Variants in KANK1 observed in about 807,000 individuals in gnomAD.
The protein encoded by KANK1 is KN motif and ankyrin repeat domain-containing protein 1.
A neutral mutation model predicts 106.2 loss-of-function variants in KANK1; 109 were observed. The observed-to-expected ratio is 1.03, with a 90% confidence interval of 0.88 to 1.20. KANK1 has a LOEUF of 1.20. KANK1 is among the 50% of genes most tolerant of loss of function. The pLI, the probability that KANK1 is intolerant of heterozygous loss-of-function variation, is 0.00. For synonymous variants in KANK1, 873 were observed against 652.2 expected, an observed-to-expected ratio of 1.34 and a Z score of -5.16; for missense variants, 2,399 against 1,710.7, an observed-to-expected ratio of 1.40 and a Z score of -7.10.
intron 6 of KANK1, 170 bp downstream of exon 6, chr9:732,787 T>A: frequency 3.1e-6 from 2 of 644,902 alleles, no homozygotes; most frequent in Non-Finnish European, 2.6e-6. Context: ...TTACAACTCT[T>A]AGATCTCTTA....
At chr9:535,212 C>T (rs2060242172) in intron 1 of KANK1, among the ~76,000 whole-genome samples, 2 of 152,162 alleles carry the variant, frequency 1.3e-5, no homozygotes, top group Admixed American at 6.6e-5. Context: ...GACCTCAGTA[C>T]CTATGTCCCT....
intron 2 of KANK1, among the ~76,000 whole-genome samples, chr9:699,690 T>C (rs1368614449): frequency 6.6e-6 from 1 of 152,222 alleles, no homozygotes; most frequent in Non-Finnish European, 1.5e-5. Flanking sequence ...TGACCTGATA[T>C]TTCTTAGGAA....
intron 1 of KANK1, chr9:559,046 A>T (rs1183511595): frequency 6.6e-6 from 1 of 152,224 alleles, no homozygotes; most frequent in Non-Finnish European, 1.5e-5. Context: ...TCCGTGAATA[A>T]TAAGGATGTA....
intron 1 of KANK1, among the ~76,000 whole-genome samples, chr9:519,237 A>T (rs548098698): frequency 7.9e-5 from 12 of 151,726 alleles, no homozygotes; most frequent in African/African-American, 2.9e-4. Context: ...TTTCCCCCAA[A>T]GCCCGCTCTC....
At chr9:581,144 C>T (rs925329935) in intron 1 of KANK1, among the ~76,000 whole-genome samples, 2 of 152,160 alleles carry the variant, frequency 1.3e-5, no homozygotes, top group Admixed American at 6.5e-5. Flanking sequence ...CCAGTTCCCA[C>T]CCACGGCTTT....
chr9:688,922 T>G (rs1819205446), intron 2 of KANK1, among the ~76,000 whole-genome samples: 1 of 152,172 alleles, frequency 6.6e-6, no homozygotes, highest in Non-Finnish European at 1.5e-5. Flanking sequence ...CTGGCCTGCT[T>G]TCCTTCTTTC....
At chr9:556,547 C>T (rs1259331898) in intron 1 of KANK1, among the ~76,000 whole-genome samples, 1 of 152,182 alleles carries the variant, frequency 6.6e-6, no homozygotes, top group Admixed American at 6.5e-5. Flanking sequence ...GATACAATGA[C>T]TATGCGGTTT....
At chr9:622,901 C>T (rs573933360) in intron 1 of KANK1, among the ~76,000 whole-genome samples, 1 of 149,170 alleles carries the variant, frequency 6.7e-6, no homozygotes, top group South Asian at 2.1e-4. Flanking sequence ...GACTCCATCT[C>T]AAAAAAAAAG....
intron 1 of KANK1, among the ~76,000 whole-genome samples, chr9:562,643 G>T (rs960763045): frequency 2.6e-5 from 4 of 152,190 alleles, no homozygotes; most frequent in African/African-American, 9.7e-5. Flanking sequence ...AAGTCAGAGA[G>T]TTACAGTGAG....
chr9:512,623 ATAT>A (rs951477314), intron 1 of KANK1, among the ~76,000 whole-genome samples: 4 of 152,160 alleles, frequency 2.6e-5, no homozygotes, highest in African/African-American at 9.7e-5. Context: ...CTTTTATGAC[ATAT>A]TATCAGAAGT....
At chr9:518,401 C>T (rs185600446) in intron 1 of KANK1, among the ~76,000 whole-genome samples, 87 of 145,920 alleles carry the variant, frequency 6.0e-4, no homozygotes, top group Middle Eastern at 3.4e-3. Context: ...CCCCCAGTGG[C>T]CCAGGGCAGT....
chr9:718,400 C>T (rs997176619), intron 3 of KANK1, among the ~76,000 whole-genome samples: 1 of 145,430 alleles, frequency 6.9e-6, no homozygotes, highest in African/African-American at 2.5e-5. Flanking sequence ...GTAGCCTGAA[C>T]TTCCCGAGCT....
At chr9:688,610 AAAAG>A (rs895077621) in intron 2 of KANK1, among the ~76,000 whole-genome samples, 1 of 152,064 alleles carries the variant, frequency 6.6e-6, no homozygotes, top group African/African-American at 2.4e-5. Flanking sequence ...AAAAAAAAAA[AAAAG>A]AGTGAGAAAG....
chr9:509,819 C>G (rs1185813705), intron 1 of KANK1, among the ~76,000 whole-genome samples: 1 of 152,032 alleles, frequency 6.6e-6, no homozygotes, highest in South Asian at 2.1e-4. Flanking sequence ...TTTTTTGAGA[C>G]AGGATATCAT....
Position 671,625 on chromosome 9 carries a change from AAAG to A in KANK1, c.-83-5263_-83-5261del, listed in dbSNP as rs1273299721. ...AGCGAAACTCCGTCTCAAAAAAAAA[AAAG>A]AGTGTACTGGTTAAGTACTGAGAAG... On this transcript the variant is annotated intron_variant, in intron 1 of 11. Coordinates refer to ENST00000382297, the MANE Select transcript of KANK1 (RefSeq NM_015158.5). Among the ~76,000 whole-genome samples the A allele has an allele frequency of 3.9e-3, 478 of 121,820 alleles. 10 individuals are homozygous for A. Among genetic ancestry groups the A allele is most frequent in the Middle Eastern group, 0.016 (4 of 252 alleles). 79.9% of individuals were successfully genotyped at this position (121,820 alleles called of 152,430 possible).
At chr9:608,273 A>G (rs1048575141) in intron 1 of KANK1, among the ~76,000 whole-genome samples, 1 of 150,972 alleles carries the variant, frequency 6.6e-6, no homozygotes, top group African/African-American at 2.5e-5. Context: ...TCCTGACCTC[A>G]TGATCCACCC....
chr9:582,327 A>AT (rs1822376613), intron 1 of KANK1, among the ~76,000 whole-genome samples: 1 of 152,282 alleles, frequency 6.6e-6, no homozygotes, highest in African/African-American at 2.4e-5. Flanking sequence ...TCCAAAACCC[A>AT]TTTGGAAACC....
intron 1 of KANK1, among the ~76,000 whole-genome samples, chr9:569,166 C>A (rs995305943): frequency 6.6e-6 from 1 of 150,580 alleles, no homozygotes; most frequent in East Asian, 1.9e-4. Context: ...TCCTTTCTTC[C>A]TGCCTCCCCT....
chr9:573,388 G>C (rs1224589253), intron 1 of KANK1, among the ~76,000 whole-genome samples: 1 of 152,074 alleles, frequency 6.6e-6, no homozygotes, highest in African/African-American at 2.4e-5. Flanking sequence ...TCTTGCCTCA[G>C]CTTCCCGAGT....
Sources: gnomAD v4.1 joint callset for allele counts (sites outside exome capture counted in the v4.1 genomes callset) on GRCh38, gnomAD v4.1.1 for gene constraint, MANE v1.5 for transcripts, NCBI Gene and HGNC (gene_info 2026-07-23, HGNC 2026-07-21) for gene names.